Variants in UBE2U observed in about 807,000 individuals in gnomAD.
UBE2U encodes the protein ubiquitin-conjugating enzyme E2 U.
In UBE2U, 39 loss-of-function variants were observed where a neutral mutation model predicts 41.2. That is an observed-to-expected ratio of 0.95 (90% CI 0.73 to 1.24). The LOEUF (loss-of-function observed/expected upper bound fraction) is 1.24, where lower values mean the gene tolerates loss of function less well. UBE2U is among the 50% of genes most tolerant of loss of function. The pLI is 0.00. For synonymous variants in UBE2U, 107 were observed against 117.8 expected, an observed-to-expected ratio of 0.91 and a Z score of 0.60; for missense variants, 336 against 363.1, an observed-to-expected ratio of 0.93 and a Z score of 0.61.
intron 7 of UBE2U, among the ~76,000 whole-genome samples, chr1:64,239,119 A>AG (rs1491338529): frequency 0.16 from 3,550 of 22,628 alleles, 253 homozygotes; most frequent in South Asian, 0.3. Context: ...AAGAAGAAGA[A>AG]GAAGAAGAAG....
intron 7 of UBE2U, among the ~76,000 whole-genome samples, chr1:64,237,766 CA>C (rs1644697067): frequency 6.6e-6 from 1 of 151,910 alleles, no homozygotes; most frequent in African/African-American, 2.4e-5. Flanking sequence ...ATGGAGAAAG[CA>C]ATGAAGAAAA....
At position 64,247,864 on chromosome 1, in the gene UBE2U, CAA is replaced by C. The variant is rs71056034; in HGVS notation, c.677+6149_677+6150del. On this transcript the variant is annotated intron_variant, in intron 8 of 9. Transcript: ENST00000371077. ...GGGTGACAGAGCAAGACCTGTCTCACAAAAAAAAAAAAAAAAAAATTAGCTTG... is the reference window on the plus strand; with the variant it reads ...GGGTGACAGAGCAAGACCTGTCTCACAAAAAAAAAAAAAAAAATTAGCTTG... 3.8e-3 allele frequency among the ~76,000 whole-genome samples: 489 copies of C among 127,862 alleles called. 8 individuals carry two copies. The highest frequency in any genetic ancestry group is 0.011 in the African/African-American group (374 of 33,210). The allele number at this position is 127,862 out of a possible 152,430, so 83.9% of individuals were successfully genotyped here.
In UBE2U at chr1:64,260,624, G is replaced by T. The variant is rs1187607012; in HGVS notation, c.699G>T (p.Trp233Cys). Reference sequence around the variant, plus strand: ...CTAGGTATTCCGTTATCAAGTGTTGGCTTGCTAGAAAAAGAATGCCTCATG... The same window carrying T: ...CTAGGTATTCCGTTATCAAGTGTTGTCTTGCTAGAAAAAGAATGCCTCATG... The part of the protein sequence containing the change: ...WNLKYSVIKC[W>C]LARKRMPHEV... The change falls in exon 9 of 10, where the codon TGG becomes TGT. Residue 233 changes from tryptophan (W) to cysteine (C), a missense_variant. Coordinates refer to ENST00000371077, the MANE Select transcript of UBE2U (RefSeq NM_001366232.2). The T allele has an allele frequency of 1.3e-6, 2 of 1,548,676 alleles. No homozygotes were observed. Among genetic ancestry groups the T allele is most frequent in the Non-Finnish European group, 1.7e-6 (2 of 1,146,462 alleles).
chr1:64,210,786 C>G lies in UBE2U; in HGVS notation c.286C>G (p.Pro96Ala), dbSNP rs192044358. The stretch of plus-strand genomic sequence containing the variant: ...GCCCTGTATAGACTTTTTGGACAAC[C>G]CTGAGAAGTGGAATACAAACTATAC... The part of the protein sequence containing the change: ...GQPCIDFLDN[P>A]EKWNTNYTLS... The change falls in exon 4 of 10, where the codon CCT becomes GCT. Residue 96 changes from proline (P) to alanine (A), a missense_variant. By Grantham distance (27) the Pro-to-Ala change is conservative. Transcript: ENST00000371077. 122 of 1,607,274 alleles carry G rather than the reference C, an allele frequency of 7.6e-5. No individual in the cohort carries two copies. Among genetic ancestry groups the G allele is most frequent in the Middle Eastern group, 1.7e-4 (1 of 6,034 alleles).
intron 8 of UBE2U, among the ~76,000 whole-genome samples, chr1:64,248,402 T>C (rs1361724044): frequency 1.3e-5 from 2 of 152,216 alleles, no homozygotes; most frequent in African/African-American, 4.8e-5. Flanking sequence ...AAAGTTCCTT[T>C]AGAAAATGTT....
At chr1:64,255,387 TGA>T (rs1403851226) in intron 8 of UBE2U, among the ~76,000 whole-genome samples, 2 of 151,820 alleles carry the variant, frequency 1.3e-5, no homozygotes, top group African/African-American at 4.8e-5. Context: ...CAAAAAAAAT[TGA>T]AAAGAAGAGA....
intron 2 of UBE2U, among the ~76,000 whole-genome samples, chr1:64,206,341 ATG>A (rs1270262503): frequency 6.6e-6 from 1 of 152,076 alleles, no homozygotes; most frequent in Non-Finnish European, 1.5e-5. Flanking sequence ...GGAGTCAGGA[ATG>A]TCTTCCCAAG....
chr1:64,253,177 T>C (rs555435411), intron 8 of UBE2U, among the ~76,000 whole-genome samples: 5 of 152,178 alleles, frequency 3.3e-5, no homozygotes, highest in Admixed American at 1.3e-4. Flanking sequence ...GCTTGAAGTC[T>C]ATCTTTCTGA....
At chr1:64,263,317 G>A (rs1645207557) in intron 9 of UBE2U, among the ~76,000 whole-genome samples, 1 of 152,168 alleles carries the variant, frequency 6.6e-6, no homozygotes, top group African/African-American at 2.4e-5. Flanking sequence ...TTCATCAGTG[G>A]AATATTAGTG....
At chr1:64,211,967 A>T (rs976598667) in intron 4 of UBE2U, among the ~76,000 whole-genome samples, 9 of 149,214 alleles carry the variant, frequency 6.0e-5, no homozygotes, top group African/African-American at 2.2e-4. Flanking sequence ...ATATAGAATT[A>T]TAATATAAAT....
In UBE2U at chr1:64,222,109, A is replaced by AAC. The variant is rs35269171; in HGVS notation, c.506+1202_506+1203insAC. ...TCCATCTCAAAAAAAAAAAAAAAAA[A>AAC]CACAAAAACTTAAGTGGCTTATCTT... On this transcript the variant is annotated intron_variant, in intron 6 of 9. Transcript: ENST00000371077. 6.0e-5 allele frequency among the ~76,000 whole-genome samples: 9 copies of AAC among 150,472 alleles called. 1 individual carries two copies. The highest frequency in any genetic ancestry group is 1.2e-4 in the Non-Finnish European group (8 of 67,670).
chr1:64,224,722 CAA>C (rs5774690), intron 6 of UBE2U, among the ~76,000 whole-genome samples: 52 of 133,170 alleles, frequency 3.9e-4, no homozygotes, highest in South Asian at 9.5e-4. Context: ...GACTCTGTGT[CAA>C]AAAAAAAAAA....
At chr1:64,263,303 T>C (rs1174840066) in intron 9 of UBE2U, among the ~76,000 whole-genome samples, 3 of 152,332 alleles carry the variant, frequency 2.0e-5, no homozygotes, top group Non-Finnish European at 4.4e-5. Context: ...CCCTGTGACC[T>C]GTTTTCATCA....
chr1:64,220,425 G>A (rs1256432643), intron 5 of UBE2U, among the ~76,000 whole-genome samples: 1 of 152,092 alleles, frequency 6.6e-6, no homozygotes, highest in Non-Finnish European at 1.5e-5. Flanking sequence ...AGTCTCTCTG[G>A]CCCAGTTTTT....
At chr1:64,256,201 G>A (rs1570143069) in intron 8 of UBE2U, among the ~76,000 whole-genome samples, 1 of 152,050 alleles carries the variant, frequency 6.6e-6, no homozygotes, top group Admixed American at 6.6e-5. Context: ...TGCCCAAAGT[G>A]ATTTATAGAT....
intron 9 of UBE2U, among the ~76,000 whole-genome samples, chr1:64,261,400 G>A (rs1645178705): frequency 6.6e-6 from 1 of 152,088 alleles, no homozygotes; most frequent in Non-Finnish European, 1.5e-5. Flanking sequence ...TCCATGTATA[G>A]ACAATTTCTT....
chr1:64,259,777 C>T (rs1645153199), intron 8 of UBE2U, among the ~76,000 whole-genome samples: 1 of 151,978 alleles, frequency 6.6e-6, no homozygotes, highest in South Asian at 2.1e-4. Flanking sequence ...TTGACTTGGG[C>T]TCATTGATGT....
chr1:64,222,221 A>T (rs1454960825), intron 6 of UBE2U, among the ~76,000 whole-genome samples: 1 of 152,120 alleles, frequency 6.6e-6, no homozygotes, highest in Non-Finnish European at 1.5e-5. Context: ...GGACATTGCC[A>T]CCCCTTAAAT....
At chr1:64,237,263 C>T in intron 7 of UBE2U, among the ~76,000 whole-genome samples, 1 of 120,598 alleles carries the variant, frequency 8.3e-6, no homozygotes. Context: ...AAAAAAAATT[C>T]AGGGCAACCC....
Sources: gnomAD v4.1 joint callset for allele counts (sites outside exome capture counted in the v4.1 genomes callset) on GRCh38, gnomAD v4.1.1 for gene constraint, MANE v1.5 for transcripts, NCBI Gene and HGNC (gene_info 2026-07-23, HGNC 2026-07-21) for gene names.